DACT3: variants seen among roughly 807,000 people sequenced by gnomAD.
The protein encoded by DACT3 is dapper homolog 3.
Under a neutral mutation model 19.6 loss-of-function variants are expected in DACT3, and 5 were observed. The observed-to-expected ratio is 0.26, with a 90% confidence interval of 0.13 to 0.54. The LOEUF (loss-of-function observed/expected upper bound fraction) is 0.54. DACT3 is among the 20% of genes least tolerant of loss of function. The pLI, the probability that DACT3 is intolerant of heterozygous loss-of-function variation, is 0.95. For synonymous variants in DACT3, 454 were observed against 428.1 expected, an observed-to-expected ratio of 1.06 and a Z score of -0.75; for missense variants, 908 against 927.4, an observed-to-expected ratio of 0.98 and a Z score of 0.27.
chr19:46,659,176 C>T, intron 1 of DACT3: 1 of 985,146 alleles, frequency 1.0e-6, no homozygotes, highest in Middle Eastern at 5.2e-4. Flanking sequence ...TCTGCTCCTC[C>T]TCCTCCCCCC....
chr19:46,652,760 G>A lies in DACT3; in HGVS notation c.399C>T (p.Thr133=). The A allele has an allele frequency of 6.4e-7, 1 of 1,551,670 alleles. No individual in the cohort carries two copies. Among genetic ancestry groups the A allele is most frequent in the South Asian group, 1.2e-5 (1 of 84,064 alleles). ...STGGPDSPPS[T]FCGDSGFSGS... ...CAGAGAAGCCACTGTCCCCACAGAA[G>A]GTTGAGGGTGGTGAATCTGGACCTC... Residue 133 remains threonine, a synonymous_variant, in exon 3 of 4, where the codon ACC becomes ACT. Coordinates refer to ENST00000391916, the MANE Select transcript of DACT3 (RefSeq NM_145056.3).
In DACT3 at chr19:46,660,885, C is replaced by T. The variant is rs1457422031; in HGVS notation, c.180G>A (p.Glu60=). The T allele has an allele frequency of 1.3e-6, 2 of 1,534,100 alleles. No individual in the cohort carries two copies. The highest frequency in any genetic ancestry group is 1.7e-6 in the Non-Finnish European group (2 of 1,144,868). The stretch of plus-strand genomic sequence containing the variant: ...CATCTTCATCCTCATCGGCGTCCTC[C>T]TCGTCCTCGGCCTCGGCGCCCCCCA... ...PGMGGAEAED[E]EDADEDEDAA... is the part of the protein sequence containing the mutation. Residue 60 remains glutamate (E), a synonymous_variant, in exon 1 of 4, where the codon GAG becomes GAA. Transcript: ENST00000391916. The surrounding 1 kb of genome is among the most constrained non-coding windows in gnomAD (Gnocchi z 4.9).
chr19:46,650,960 A>C (rs752531867), intron 3 of DACT3: 4 of 152,102 alleles, frequency 2.6e-5, no homozygotes, highest in Non-Finnish European at 5.9e-5. Flanking sequence ...CCAAACTCAA[A>C]GGGACACTTC....
chr19:46,650,009 C>T (rs1033667598), intron 3 of DACT3, 137 bp from the exon 4 acceptor site: 1 of 980,956 alleles, frequency 1.0e-6, no homozygotes, highest in Non-Finnish European at 1.3e-6. Flanking sequence ...AAACCCTGCT[C>T]TCACACCTTC....
In DACT3 at chr19:46,648,241, C is replaced by A. The variant is rs1266579784; in HGVS notation, c.*241G>T. On this transcript the variant is annotated 3_prime_UTR_variant, in exon 4 of 4. Transcript: ENST00000391916. This position sits in a 1 kb window ranked among gnomAD's most constrained non-coding sequence, Gnocchi z 5.1. ...GAAAGTGACGCCCAGAGAAGGGGAA[C>A]TGTCTTGCCCAAGGGCTTCCAAGCT... The A allele has an allele frequency of 1.7e-5, 10 of 598,024 alleles. No individual in the cohort carries two copies. Among genetic ancestry groups the A allele is most frequent in the African/African-American group, 7.4e-5 (4 of 53,718 alleles). 37.0% of individuals were successfully genotyped at this position (598,024 alleles called of 1,614,324 possible).
Position 46,661,102 on chromosome 19 carries a change from G to A in DACT3, c.-38C>T. 2.2e-6 allele frequency: 3 copies of A among 1,386,516 alleles called. No homozygotes were observed. The highest frequency in any genetic ancestry group is 2.8e-6 in the Non-Finnish European group (3 of 1,078,576). 85.9% of individuals were successfully genotyped at this position (1,386,516 alleles called of 1,614,324 possible). On this transcript the variant is annotated 5_prime_UTR_variant, in exon 1 of 4. Coordinates refer to ENST00000391916, the MANE Select transcript of DACT3 (RefSeq NM_145056.3). Reference sequence around the variant, plus strand: ...CCGCCCCAGCCCGGCCGGGCCCCGCGGCCACCCCTCTCCCGGTCCCACCTC... The same window carrying A: ...CCGCCCCAGCCCGGCCGGGCCCCGCAGCCACCCCTCTCCCGGTCCCACCTC...
In DACT3 at chr19:46,649,333, C is replaced by CA; in HGVS notation, c.1038_1039insT (p.Asp347Ter). 1.6e-6 allele frequency: 2 copies of CA among 1,230,674 alleles called. No individual in the cohort carries two copies. Among genetic ancestry groups the CA allele is most frequent in the South Asian group, 2.4e-5 (1 of 42,200 alleles). 76.2% of individuals were successfully genotyped at this position (1,230,674 alleles called of 1,614,324 possible). On this transcript the variant is annotated frameshift_variant, in exon 4 of 4. Transcript: ENST00000391916. LOFTEE classifies it low-confidence loss of function (END_TRUNC). ...ACCAAGCGGCCCTCAGCCGGGCTGT[C>CA]GGGGGGTGAGGGGGCGGCGGGCGGC...
chr19:46,650,172 C>T (rs2052969881), intron 3 of DACT3: 1 of 149,472 alleles, frequency 6.7e-6, no homozygotes, highest in Non-Finnish European at 1.3e-5. Context: ...CGTTCTGTCG[C>T]CCAGGCTGGA....
chr19:46,649,562 G>C lies in DACT3; in HGVS notation c.810C>G (p.Thr270=). The C allele has an allele frequency of 1.9e-6, 2 of 1,069,096 alleles. No individual in the cohort carries two copies. Among genetic ancestry groups the C allele is most frequent in the Non-Finnish European group, 2.3e-6 (2 of 883,390 alleles). 66.2% of individuals were successfully genotyped at this position (1,069,096 alleles called of 1,614,324 possible). A position where few individuals can be genotyped will look rare whatever the true frequency, so the allele number is the denominator to read the frequency against. ...GGCCGCCGTCCGCGCCCCCGGGACT[G>C]GTCCGGGGCTGGCCCGCCCCCCGGC... is the stretch of plus-strand genomic sequence containing the variant. ...RRRRGAGQPR[T]SPGGADGGPR... is the part of the protein sequence containing the mutation. The change falls in exon 4 of 4, where the codon ACC becomes ACG. Residue 270 remains threonine (T), a synonymous_variant. Coordinates refer to ENST00000391916, the MANE Select transcript of DACT3 (RefSeq NM_145056.3).
At position 46,648,651 on chromosome 19, in the gene DACT3, A is replaced by G; in HGVS notation, c.1721T>C (p.Val574Ala). The G allele has an allele frequency of 6.2e-7, 1 of 1,612,558 alleles. No individual in the cohort carries two copies. Among genetic ancestry groups the G allele is most frequent in the Non-Finnish European group, 8.5e-7 (1 of 1,179,468 alleles). Residue 574 changes from valine (V) to alanine (A), a missense_variant, in exon 4 of 4, where the codon GTG becomes GCG. Val to Ala is a moderately conservative substitution (Grantham distance 64, BLOSUM62 0). Coordinates refer to ENST00000391916, the MANE Select transcript of DACT3 (RefSeq NM_145056.3). The surrounding 1 kb of genome is among the most constrained non-coding windows in gnomAD (Gnocchi z 5.1). ...SSDSDGSGGL[V>A]WPQQLVAATA... ...GGCCGCCACCAGCTGCTGCGGCCAC[A>G]CGAGGCCACCGCTGCCGTCTGAGTC... is the stretch of plus-strand genomic sequence containing the variant.
intron 1 of DACT3, among the ~76,000 whole-genome samples, chr19:46,657,945 G>A (rs537695603): frequency 7.2e-5 from 11 of 152,008 alleles, no homozygotes; most frequent in South Asian, 2.1e-4. Flanking sequence ...CCAGCTACTC[G>A]GGAGGCTGAG....
intron 1 of DACT3, chr19:46,659,603 G>T (rs74816645): frequency 4.4e-6 from 1 of 226,620 alleles, no homozygotes; most frequent in Non-Finnish European, 7.3e-6. Flanking sequence ...ACTCCTGAGA[G>T]GGGGAGGGGC....
chr19:46,659,341 C>T (rs1402750490), intron 1 of DACT3: 1 of 944,808 alleles, frequency 1.1e-6, no homozygotes, highest in East Asian at 1.2e-4. Flanking sequence ...GACTGAAGGG[C>T]AGAGATGGGG....
intron 3 of DACT3, chr19:46,650,506 C>T (rs1177304763): frequency 1.3e-5 from 2 of 152,016 alleles, no homozygotes; most frequent in Non-Finnish European, 2.9e-5. Flanking sequence ...CAGTTTCCAG[C>T]TCCTGGGCTC....
At chr19:46,659,242 G>C in intron 1 of DACT3, 1 of 985,382 alleles carries the variant, frequency 1.0e-6, no homozygotes, top group South Asian at 4.7e-5. Flanking sequence ...AGACTGGGGG[G>C]TGGGGGGACA....
intron 1 of DACT3, among the ~76,000 whole-genome samples, chr19:46,657,503 G>A (rs1021655223): frequency 6.6e-5 from 10 of 151,308 alleles, no homozygotes; most frequent in Admixed American, 4.6e-4. Context: ...ACAGGTGCCC[G>A]CCACCACGCC....
chr19:46,649,950 G>T (rs2052966482), intron 3 of DACT3, 78 bp from the exon 4 acceptor site: 9 of 1,275,946 alleles, frequency 7.1e-6, no homozygotes, highest in South Asian at 2.2e-5. Flanking sequence ...TTCTCATCCA[G>T]CCCGGAAGGG....
intron 1 of DACT3, among the ~76,000 whole-genome samples, chr19:46,655,917 CTCTCTCTCTATA>C (rs1328392859): frequency 9.2e-6 from 1 of 108,420 alleles, no homozygotes; most frequent in Non-Finnish European, 2.2e-5. Flanking sequence ...CTCTCTCTCT[CTCTCTCTCTATA>C]TATATATATA....
In DACT3 at chr19:46,648,874, G is replaced by T; in HGVS notation, c.1498C>A (p.Pro500Thr). The T allele has an allele frequency of 7.1e-7, 1 of 1,412,386 alleles. No homozygotes were observed. The highest frequency in any genetic ancestry group is 9.1e-7 in the Non-Finnish European group (1 of 1,094,422). The allele number at this position is 1,412,386 out of a possible 1,614,324, so 87.5% of individuals were successfully genotyped here. The stretch of plus-strand genomic sequence containing the variant: ...GCTGACGGGGACGGGCCGGGGCCGG[G>T]AACACGCGCCGCAGGGGCTCGGGGC... ...VRPRAPAARV[P>T]GPGPSPSAPQ... Residue 500 changes from proline to threonine, a missense_variant, in exon 4 of 4, where the codon CCC becomes ACC. By Grantham distance (38) the Pro-to-Thr change is conservative (BLOSUM62 -1). This residue lies in a region of DACT3 where 656 missense variants were observed against 601.8 expected (regional missense o/e 1.09). Transcript: ENST00000391916. The surrounding 1 kb of genome is among the most constrained non-coding windows in gnomAD (Gnocchi z 5.1).
Sources: gnomAD v4.1 joint callset for allele counts (sites outside exome capture counted in the v4.1 genomes callset) on GRCh38, gnomAD v4.1.1 for gene constraint, gnomAD v4.1.1 regional missense constraint, Gnocchi (gnomAD v3.1) non-coding constraint, MANE v1.5 for transcripts, NCBI Gene and HGNC (gene_info 2026-07-23, HGNC 2026-07-21) for gene names.